Variants in GDPD5 observed in about 807,000 individuals in gnomAD.
The protein encoded by GDPD5 is glycerophosphodiester phosphodiesterase 2.
Under a neutral mutation model 75.1 loss-of-function variants are expected in GDPD5, and 48 were observed. The observed-to-expected ratio is 0.64, with a 90% CI of 0.51 to 0.81. GDPD5 has a LOEUF of 0.81. GDPD5 is among the 40% of genes least tolerant of loss of function. GDPD5 has a pLI of 0.00. For missense variants in GDPD5, 706 were observed against 822.6 expected (o/e 0.86, Z 1.73); for synonymous variants, 336 against 339.0 (o/e 0.99, Z 0.10).
At chr11:75,496,065 A>G (rs764741692) in intron 1 of GDPD5, among the ~76,000 whole-genome samples, 2 of 152,168 alleles carry the variant, frequency 1.3e-5, no homozygotes, top group Non-Finnish European at 2.9e-5. Context: ...TGTACTCCTT[A>G]AAGTCCCTTC....
intron 3 of GDPD5, among the ~76,000 whole-genome samples, chr11:75,477,178 G>C (rs1400006444): frequency 2.0e-5 from 3 of 152,306 alleles, no homozygotes; most frequent in South Asian, 2.1e-4. Flanking sequence ...GCTCTGGCAA[G>C]CCTGTGGCTC....
At chr11:75,442,249 C>A in intron 12 of GDPD5, 114 bp downstream of exon 12, 1 of 775,818 alleles carries the variant, frequency 1.3e-6, no homozygotes, top group Admixed American at 2.6e-5. Flanking sequence ...GTGTGATCCC[C>A]ATTTTACAAA....
At chr11:75,495,486 T>C (rs1187132057) in intron 1 of GDPD5, among the ~76,000 whole-genome samples, 3 of 151,892 alleles carry the variant, frequency 2.0e-5, no homozygotes, top group Non-Finnish European at 2.9e-5. Context: ...AAAAAAAGAA[T>C]TGTTAAGTCT....
rs148388973 is a variant in GDPD5 at position 75,439,960 on chromosome 11, G to T, written c.1475C>A (p.Pro492His). The change falls in exon 15 of 17, where the codon CCC (proline) becomes CAC (histidine). Residue 492 changes from proline to histidine, a missense_variant and splice_region_variant. Transcript: ENST00000336898. ...SQVPSPLWIM[P>H]PDEYCLMWVT... Reference sequence around the variant, plus strand: ...CCACATGAGACAGTACTCGTCCGGGGGCTGTGGACAGACGGCCCGAGGCCA... The same window carrying T: ...CCACATGAGACAGTACTCGTCCGGGTGCTGTGGACAGACGGCCCGAGGCCA... 2 of 1,611,660 alleles carry T rather than the reference G, an allele frequency of 1.2e-6. No individual in the cohort carries two copies. Among genetic ancestry groups the T allele is most frequent in the South Asian group, 1.1e-5 (1 of 90,926 alleles).
chr11:75,480,561 A>G (rs1043440646), intron 2 of GDPD5, among the ~76,000 whole-genome samples: 2 of 152,122 alleles, frequency 1.3e-5, no homozygotes, highest in African/African-American at 4.8e-5. Flanking sequence ...AACTTTTCCA[A>G]TGTGACTGCA....
Position 75,494,733 on chromosome 11 carries a change from C to G in GDPD5, c.-144-4413G>C, listed in dbSNP as rs1018177858. ...TTTGAGGGCCTAGGCAGGCAGATCA[C>G]CTGAGGTTGGGAGTTCGAGACCAGC... On this transcript the variant is annotated intron_variant, in intron 1 of 16. Transcript: ENST00000336898. 4.0e-5 allele frequency among the ~76,000 whole-genome samples: 6 copies of G among 151,658 alleles called. No individual in the cohort carries two copies. In the South Asian group the frequency reaches 1.0e-3, roughly 26 times the overall value.
At chr11:75,522,767 G>A (rs1021186497) in intron 1 of GDPD5, among the ~76,000 whole-genome samples, 3 of 152,148 alleles carry the variant, frequency 2.0e-5, no homozygotes, top group Non-Finnish European at 2.9e-5. Context: ...CCCTGAGCCT[G>A]CCCCCAGCTG....
At chr11:75,508,462 A>G (rs541707483) in intron 1 of GDPD5, 1 of 152,332 alleles carries the variant, frequency 6.6e-6, no homozygotes, top group African/African-American at 2.4e-5. Context: ...AAATGAGGCC[A>G]GCTAAGGCTC....
At chr11:75,475,633 C>T (rs566923186) in intron 3 of GDPD5, among the ~76,000 whole-genome samples, 21 of 152,118 alleles carry the variant, frequency 1.4e-4, no homozygotes, top group African/African-American at 4.8e-4. Flanking sequence ...GGGGGCGGAG[C>T]GAAGTGAGCG....
intron 6 of GDPD5, chr11:75,455,443 T>TA (rs1949265283): frequency 2.2e-6 from 1 of 450,628 alleles, no homozygotes; most frequent in African/African-American, 2.0e-5. Flanking sequence ...CTCTGGGGTC[T>TA]GACTCCCAAG....
chr11:75,509,228 G>A (rs617138), intron 1 of GDPD5, among the ~76,000 whole-genome samples: 26,484 of 152,126 alleles, frequency 0.17, 2,515 homozygotes, highest in African/African-American at 0.24. Context: ...CTCAGAGGCC[G>A]AGACCCCTGG....
At chr11:75,446,034 G>A (rs1948978555) in intron 9 of GDPD5, among the ~76,000 whole-genome samples, 3 of 152,214 alleles carry the variant, frequency 2.0e-5, no homozygotes, top group Admixed American at 1.3e-4. Context: ...AGGGGAAGCA[G>A]GACTACAAAG....
intron 7 of GDPD5, 113 bp from the exon 8 acceptor site, chr11:75,449,723 A>C: frequency 7.9e-7 from 1 of 1,260,920 alleles, no homozygotes; most frequent in African/African-American, 1.5e-5. Flanking sequence ...CCATCTGCCA[A>C]CTGGGGACAC....
At position 75,442,475 on chromosome 11, in the gene GDPD5, T is replaced by C. The variant is rs1220252452; in HGVS notation, c.1055A>G (p.Asn352Ser). ...ACGCAGGTTGAGCAGCAGTGTGGCA[T>C]TGCCCTTGGCCAGCTCCAGGAGCTC... is the stretch of plus-strand genomic sequence containing the variant. ...LAELLELAKGNATLLLNLRDP... is the reference protein window; with the variant it reads ...LAELLELAKGSATLLLNLRDP... Residue 352 changes from asparagine (N) to serine (S), a missense_variant, in exon 12 of 17, where the codon AAT becomes AGT. By Grantham distance (46) the Asn-to-Ser change is conservative (BLOSUM62 1). Coordinates refer to ENST00000336898, the MANE Select transcript of GDPD5 (RefSeq NM_030792.8). 4 of 1,613,680 alleles carry C rather than the reference T, an allele frequency of 2.5e-6. No individual in the cohort carries two copies. Among genetic ancestry groups the C allele is most frequent in the East Asian group, 4.5e-5 (2 of 44,850 alleles).
chr11:75,438,410 G>C (rs916717415), intron 15 of GDPD5: 1 of 152,226 alleles, frequency 6.6e-6, no homozygotes, highest in East Asian at 1.9e-4. Flanking sequence ...GACCCAGCGT[G>C]TCTGTGCCAG....
chr11:75,470,635 T>C (rs1440608893), intron 3 of GDPD5, among the ~76,000 whole-genome samples: 1 of 152,228 alleles, frequency 6.6e-6, no homozygotes, highest in Non-Finnish European at 1.5e-5. Context: ...TTTTACATCT[T>C]TCCAAGTTGT....
At chr11:75,455,015 T>C (rs1412884895) in intron 6 of GDPD5, among the ~76,000 whole-genome samples, 1 of 152,108 alleles carries the variant, frequency 6.6e-6, no homozygotes, top group Admixed American at 6.5e-5. Context: ...GAGCTCTGGG[T>C]CAGCTCCACC....
At chr11:75,449,440 G>A in intron 8 of GDPD5, 77 bp downstream of exon 8, 1 of 1,398,204 alleles carries the variant, frequency 7.2e-7, no homozygotes, top group Non-Finnish European at 9.9e-7. Context: ...CCCAGGGAAA[G>A]CCCAGGTCGG....
intron 1 of GDPD5, among the ~76,000 whole-genome samples, chr11:75,493,708 A>G (rs1164657773): frequency 1.3e-5 from 2 of 152,160 alleles, no homozygotes; most frequent in Non-Finnish European, 2.9e-5. Flanking sequence ...GCAAAAATAT[A>G]TAAGAGGGAG....
Sources: allele counts gnomAD v4.1 joint callset (sites outside exome capture counted in the v4.1 genomes callset), GRCh38; gene constraint gnomAD v4.1.1; transcripts MANE v1.5; gene names NCBI Gene and HGNC (gene_info 2026-07-23, HGNC 2026-07-21).